Variants in MAGI1 observed in about 807,000 individuals in gnomAD.
MAGI1 encodes membrane associated guanylate kinase, WW and PDZ domain containing 1.
MAGI1 carries 58 observed loss-of-function variants against 139.9 expected under a neutral mutation model. The ratio of observed to expected loss-of-function variants is 0.41; its 90% CI spans 0.34 to 0.52. MAGI1 has a LOEUF of 0.52. MAGI1 is among the 20% of genes least tolerant of loss of function. MAGI1 has a pLI of 0.12. For missense variants in MAGI1, 1,874 were observed against 1,901.6 expected, an observed-to-expected ratio of 0.99 and a Z score of 0.27; for synonymous variants, 812 against 737.9, an observed-to-expected ratio of 1.10 and a Z score of -1.63.
chr3:65,723,115 G>C (rs1171302581), intron 1 of MAGI1, among the ~76,000 whole-genome samples: 1 of 152,132 alleles, frequency 6.6e-6, no homozygotes, highest in African/African-American at 2.4e-5. Flanking sequence ...AGGCGCAATG[G>C]AGAACCTGCC....
rs756672225 is a variant in MAGI1 at position 65,375,937 on chromosome 3, A to G, written c.3004T>C (p.Cys1002Arg). The change falls in exon 18 of 23, where the codon TGT becomes CGT. Residue 1002 changes from cysteine to arginine, a missense_variant. Physicochemically the swap from Cys to Arg is radical, Grantham distance 180 (BLOSUM62 -3). Transcript: ENST00000402939. ...CCTATTTTGTGAGGCATAGCCACAC[A>G]TGCATTGCCTGCTTTGATATTGAGT... Reference protein sequence around the residue: ...PEAGTTFGNACVAMPHKIGRI... With the variant: ...PEAGTTFGNARVAMPHKIGRI... 8.1e-6 allele frequency: 13 copies of G among 1,612,594 alleles called. No individual in the cohort carries two copies. The highest frequency in any genetic ancestry group is 1.1e-5 in the Non-Finnish European group (13 of 1,179,042).
At chr3:65,377,727 C>CA (rs1942666765) in intron 17 of MAGI1, among the ~76,000 whole-genome samples, 1 of 152,210 alleles carries the variant, frequency 6.6e-6, no homozygotes, top group East Asian at 1.9e-4. Flanking sequence ...GCTTTGATGT[C>CA]AGGTCATCCA....
At chr3:65,512,304 T>A (rs2107758550) in intron 2 of MAGI1, among the ~76,000 whole-genome samples, 1 of 134,776 alleles carries the variant, frequency 7.4e-6, no homozygotes, top group Non-Finnish European at 1.6e-5. Flanking sequence ...ATAACTAAAA[T>A]CAGAGCAGAA....
chr3:65,964,812 C>T (rs2064655309), intron 1 of MAGI1, among the ~76,000 whole-genome samples: 1 of 152,138 alleles, frequency 6.6e-6, no homozygotes, highest in African/African-American at 2.4e-5. Flanking sequence ...TGAGGATGCC[C>T]CTTTTTTATG....
intron 2 of MAGI1, among the ~76,000 whole-genome samples, chr3:65,575,651 A>C (rs2081145781): frequency 6.6e-6 from 1 of 152,184 alleles, no homozygotes; most frequent in Non-Finnish European, 1.5e-5. Context: ...AACAAACAAA[A>C]GATGATACAT....
intron 1 of MAGI1, among the ~76,000 whole-genome samples, chr3:65,764,329 G>A (rs114123177): frequency 0.015 from 2,279 of 152,074 alleles, 51 homozygotes; most frequent in African/African-American, 0.052. Context: ...ACTTATGGTT[G>A]TGATTCATTC....
chr3:65,438,529 A>G (rs1418415335), intron 9 of MAGI1, among the ~76,000 whole-genome samples: 1 of 152,200 alleles, frequency 6.6e-6, no homozygotes, highest in Non-Finnish European at 1.5e-5. Flanking sequence ...ATATGAGAAG[A>G]GTTCTTTTTA....
intron 1 of MAGI1, among the ~76,000 whole-genome samples, chr3:65,939,975 A>C (rs2063231219): frequency 1.3e-5 from 2 of 152,230 alleles, no homozygotes; most frequent in Admixed American, 6.5e-5. Flanking sequence ...AAAAAATCAA[A>C]GAAGAATCTT....
At chr3:65,422,358 A>G (rs750376655) in intron 12 of MAGI1, among the ~76,000 whole-genome samples, 2 of 152,214 alleles carry the variant, frequency 1.3e-5, no homozygotes, top group Non-Finnish European at 2.9e-5. Flanking sequence ...TGCATCTACT[A>G]GCTGTTTAGG....
chr3:65,677,837 T>C (rs2087294824), intron 1 of MAGI1, among the ~76,000 whole-genome samples: 2 of 152,200 alleles, frequency 1.3e-5, no homozygotes, highest in Non-Finnish European at 2.9e-5. Context: ...TCCAACACCA[T>C]ATTAATCATT....
At chr3:65,797,022 T>C (rs2040191750) in intron 1 of MAGI1, among the ~76,000 whole-genome samples, 1 of 152,344 alleles carries the variant, frequency 6.6e-6, no homozygotes, top group Admixed American at 6.5e-5. Context: ...ATTTTTTTTT[T>C]CCAACAGCAT....
chr3:65,722,322 G>A lies in MAGI1; in HGVS notation c.314-100234C>T, dbSNP rs114289254. ...AACTCTGGGAAACAGATGAGAAGCC[G>A]GACAATAAAAAAATTACTTTGGGGA... On this transcript the variant is annotated intron_variant, in intron 1 of 22. Transcript: ENST00000402939. Among the ~76,000 whole-genome samples, 1,380 of 152,130 alleles carry A rather than the reference G, an allele frequency of 9.1e-3. 18 individuals are homozygous for A. Among genetic ancestry groups the A allele is most frequent in the African/African-American group, 0.031 (1,286 of 41,512 alleles).
At chr3:65,454,645 T>A (rs1202692082) in intron 5 of MAGI1, among the ~76,000 whole-genome samples, 1 of 151,132 alleles carries the variant, frequency 6.6e-6, no homozygotes, top group Non-Finnish European at 1.5e-5. Flanking sequence ...ACTGTGACAT[T>A]TCGGTTGTAA....
chr3:65,814,270 T>A (rs759100266), intron 1 of MAGI1, among the ~76,000 whole-genome samples: 13 of 152,154 alleles, frequency 8.5e-5, no homozygotes, highest in Admixed American at 4.6e-4. Context: ...ATAAAATTCA[T>A]TCTCTAAGGT....
rs991141985 is a variant in MAGI1 at position 65,356,242 on chromosome 3, C to T, written c.*136G>A. On this transcript the variant is annotated 3_prime_UTR_variant, in exon 23 of 23. Transcript: ENST00000402939. ...ATTTTTTCTTATAAGATTTCAAATG[C>T]ATAAAATGTTTGTTGTTATTCATAG... The T allele has an allele frequency of 7.8e-6, 6 of 769,100 alleles. No individual in the cohort carries two copies. The highest frequency in any genetic ancestry group is 1.2e-5 in the Non-Finnish European group (6 of 509,156). The allele number at this position is 769,100 out of a possible 1,614,324, so 47.6% of individuals were successfully genotyped here. A position where few individuals can be genotyped will look rare whatever the true frequency, so the allele number is the denominator to read the frequency against.
chr3:65,448,679 G>C (rs1160010245), intron 6 of MAGI1, among the ~76,000 whole-genome samples: 1 of 129,980 alleles, frequency 7.7e-6, no homozygotes, highest in Non-Finnish European at 1.6e-5. Flanking sequence ...CATTTAACTG[G>C]TTTTGTGAGA....
At chr3:65,500,056 G>C (rs974644149) in intron 2 of MAGI1, among the ~76,000 whole-genome samples, 1 of 152,094 alleles carries the variant, frequency 6.6e-6, no homozygotes, top group Non-Finnish European at 1.5e-5. Flanking sequence ...ACGACTTATA[G>C]ACTCCAGCTG....
At chr3:65,572,957 T>A (rs1386914714) in intron 2 of MAGI1, among the ~76,000 whole-genome samples, 1 of 151,824 alleles carries the variant, frequency 6.6e-6, no homozygotes, top group Non-Finnish European at 1.5e-5. Context: ...TTCTCAGAGG[T>A]GTAGTCTATT....
At chr3:65,917,432 G>C (rs1215918768) in intron 1 of MAGI1, among the ~76,000 whole-genome samples, 1 of 152,160 alleles carries the variant, frequency 6.6e-6, no homozygotes, top group Admixed American at 6.5e-5. Context: ...ACACAATCTA[G>C]CTAGCAATCA....
Sources: allele counts gnomAD v4.1 joint callset (sites outside exome capture counted in the v4.1 genomes callset), GRCh38; gene constraint gnomAD v4.1.1; transcripts MANE v1.5; gene names NCBI Gene and HGNC (gene_info 2026-07-23, HGNC 2026-07-21).